The following RYR3 variants were observed in gnomAD, a reference collection of about 807,000 sequenced individuals.
The protein encoded by RYR3 is ryanodine receptor 3.
A neutral mutation model predicts 584.3 loss-of-function variants in RYR3; 207 were observed. That is an observed-to-expected ratio of 0.35 (90% CI 0.32 to 0.40). RYR3 has a LOEUF of 0.40. Ranked by LOEUF, RYR3 falls within the 10% of genes least tolerant of loss-of-function variation. RYR3 has a pLI of 1.00. For synonymous variants in RYR3, 2,416 were observed against 2,248.5 expected, an observed-to-expected ratio of 1.07 and a Z score of -2.11; for missense variants, 5,616 against 6,089.2, an observed-to-expected ratio of 0.92 and a Z score of 2.59.
At chr15:33,371,365 G>C (rs2040319793) in intron 1 of RYR3, among the ~76,000 whole-genome samples, 1 of 152,154 alleles carries the variant, frequency 6.6e-6, no homozygotes, top group Admixed American at 6.5e-5. Context: ...GGCTCCTGCA[G>C]GAGGGAAAAA....
chr15:33,668,807 A>G (rs1262070178), intron 36 of RYR3, among the ~76,000 whole-genome samples: 5 of 152,222 alleles, frequency 3.3e-5, no homozygotes, highest in Non-Finnish European at 7.3e-5. Flanking sequence ...GTTTATTCTA[A>G]GAAAATAATC....
At chr15:33,738,374 C>G (rs2069715953) in intron 49 of RYR3, 76 bp from the exon 50 acceptor site, 1 of 1,430,720 alleles carries the variant, frequency 7.0e-7, no homozygotes, top group South Asian at 1.3e-5. Flanking sequence ...CTACTTGATT[C>G]TCTCCTGCAT....
chr15:33,504,714 T>C (rs978001183), intron 3 of RYR3, among the ~76,000 whole-genome samples: 21 of 152,214 alleles, frequency 1.4e-4, no homozygotes, highest in African/African-American at 5.1e-4. Flanking sequence ...TGTTCACCTT[T>C]CCTGCCCCAT....
intron 86 of RYR3, 22 bp downstream of exon 86, chr15:33,831,113 G>A: frequency 1.9e-6 from 3 of 1,606,766 alleles, no homozygotes; most frequent in Non-Finnish European, 2.5e-6. Flanking sequence ...AGAGTGCATG[G>A]TTGAAAACAA....
intron 38 of RYR3, among the ~76,000 whole-genome samples, chr15:33,675,292 A>G (rs2064102759): frequency 6.6e-6 from 1 of 152,274 alleles, no homozygotes; most frequent in Admixed American, 6.5e-5. Flanking sequence ...AATCTGTAAT[A>G]CACAATTCTA....
chr15:33,595,863 A>C (rs4447392), intron 16 of RYR3, among the ~76,000 whole-genome samples: 53,155 of 151,868 alleles, frequency 0.35, 10,106 homozygotes, highest in East Asian at 0.75. Context: ...AAGCAAACCA[A>C]AACTTCATAT....
chr15:33,382,318 G>GTTTTTTTTTTTTTTT (rs1567133176), intron 1 of RYR3, among the ~76,000 whole-genome samples: 1 of 103,266 alleles, frequency 9.7e-6, no homozygotes, highest in African/African-American at 4.8e-5. Context: ...TTTAAAAGTG[G>GTTTTTTTTTTTTTTT]CTTTTTTTTT....
At chr15:33,653,294 A>G (rs2062604284) in intron 32 of RYR3, among the ~76,000 whole-genome samples, 1 of 152,336 alleles carries the variant, frequency 6.6e-6, no homozygotes, top group Non-Finnish European at 1.5e-5. Context: ...AGAAACCTAT[A>G]AAAAGGATTA....
At chr15:33,477,780 C>T (rs867596882) in intron 2 of RYR3, among the ~76,000 whole-genome samples, 3 of 130,974 alleles carry the variant, frequency 2.3e-5, no homozygotes, top group South Asian at 4.8e-4. Flanking sequence ...GAGGCTGAGG[C>T]GGGAGAATGG....
chr15:33,727,639 G>C (rs927875308), intron 46 of RYR3, among the ~76,000 whole-genome samples: 1 of 152,232 alleles, frequency 6.6e-6, no homozygotes, highest in Non-Finnish European at 1.5e-5. Flanking sequence ...GCAGCCTGCA[G>C]TCTGGAAGGC....
intron 1 of RYR3, among the ~76,000 whole-genome samples, chr15:33,331,746 G>C (rs1970400963): frequency 6.6e-6 from 1 of 152,048 alleles, no homozygotes; most frequent in Admixed American, 6.5e-5. Flanking sequence ...GAGGGTTTAA[G>C]AAGAAAGAAG....
chr15:33,732,985 C>G (rs937398274), intron 48 of RYR3, among the ~76,000 whole-genome samples: 1 of 152,188 alleles, frequency 6.6e-6, no homozygotes, highest in Non-Finnish European at 1.5e-5. Flanking sequence ...AAAAAAAACT[C>G]ATCGGTCCTC....
chr15:33,454,953 G>A (rs1460097986), intron 1 of RYR3, among the ~76,000 whole-genome samples: 4 of 152,182 alleles, frequency 2.6e-5, no homozygotes, highest in Non-Finnish European at 5.9e-5. Context: ...TTTAAGCAAT[G>A]TAGTGAGCTG....
At chr15:33,851,111 T>A (rs1449290399) in intron 94 of RYR3, 1 of 152,192 alleles carries the variant, frequency 6.6e-6, no homozygotes, top group East Asian at 1.9e-4. Flanking sequence ...CATTTTCCAT[T>A]ATGTATATTA....
intron 64 of RYR3, among the ~76,000 whole-genome samples, chr15:33,776,780 G>A (rs1187227556): frequency 6.6e-6 from 1 of 152,076 alleles, no homozygotes; most frequent in Non-Finnish European, 1.5e-5. Flanking sequence ...TGATGACTTT[G>A]TCTTTTCCTA....
At chr15:33,472,661 T>C (rs1376949936) in intron 1 of RYR3, among the ~76,000 whole-genome samples, 4 of 152,182 alleles carry the variant, frequency 2.6e-5, no homozygotes, top group Non-Finnish European at 4.4e-5. Context: ...GGGAGGGTTG[T>C]GCAAGAAAAT....
chr15:33,789,651 T>C (rs1249373465), intron 67 of RYR3, among the ~76,000 whole-genome samples: 1 of 30,192 alleles, frequency 3.3e-5, no homozygotes, highest in Non-Finnish European at 6.4e-5. Flanking sequence ...TATATATATA[T>C]ATATATATTT....
chr15:33,425,744 C>A (rs1208053445), intron 1 of RYR3, among the ~76,000 whole-genome samples: 1 of 148,858 alleles, frequency 6.7e-6, no homozygotes, highest in Non-Finnish European at 1.5e-5. Context: ...CGGGTTCATG[C>A]CATTCTCCTG....
chr15:33,402,996 G>T (rs1301923056), intron 1 of RYR3, among the ~76,000 whole-genome samples: 1 of 152,168 alleles, frequency 6.6e-6, no homozygotes, highest in African/African-American at 2.4e-5. Flanking sequence ...AGCATCAAAT[G>T]GCTAGAGACA....
Sources: allele counts gnomAD v4.1 joint callset (sites outside exome capture counted in the v4.1 genomes callset), GRCh38; gene constraint gnomAD v4.1.1; transcripts MANE v1.5; gene names NCBI Gene and HGNC (gene_info 2026-07-23, HGNC 2026-07-21).